Variants in TNFRSF21 observed in about 807,000 individuals in gnomAD.
The protein encoded by TNFRSF21 is tumor necrosis factor receptor superfamily member 21.
TNFRSF21 carries 19 observed loss-of-function variants against 45.6 expected under a neutral mutation model. The observed-to-expected ratio is 0.42, with a 90% confidence interval of 0.29 to 0.61. The LOEUF (loss-of-function observed/expected upper bound fraction) is 0.61, where lower values mean the gene tolerates loss of function less well. Ranked by LOEUF, TNFRSF21 falls within the 20% of genes least tolerant of loss-of-function variation. The probability of loss-of-function intolerance (pLI) is 0.23; values close to 1 mark genes in which losing one functional copy is unlikely to be tolerated. For missense variants in TNFRSF21, 737 were observed against 851.5 expected (o/e 0.87, Z 1.67); for synonymous variants, 314 against 335.5 (o/e 0.94, Z 0.70).
chr6:47,287,441 A>T (rs772468584), intron 1 of TNFRSF21, among the ~76,000 whole-genome samples: 1 of 145,970 alleles, frequency 6.9e-6, no homozygotes, highest in Non-Finnish European at 1.5e-5. Flanking sequence ...GGAGCTAATT[A>T]AAAAAAAAAC....
intron 1 of TNFRSF21, among the ~76,000 whole-genome samples, chr6:47,293,953 T>C (rs1299170661): frequency 2.0e-5 from 3 of 152,216 alleles, no homozygotes; most frequent in Non-Finnish European, 2.9e-5. Flanking sequence ...ACAAGCTCCA[T>C]GTGGACAAGG....
chr6:47,304,362 C>G (rs1762910282), intron 1 of TNFRSF21, among the ~76,000 whole-genome samples: 1 of 151,586 alleles, frequency 6.6e-6, no homozygotes, highest in African/African-American at 2.4e-5. Flanking sequence ...ACCAGCTGAA[C>G]ACAAAATTAA....
At chr6:47,261,871 C>A (rs549542945) in intron 3 of TNFRSF21, among the ~76,000 whole-genome samples, 1 of 152,190 alleles carries the variant, frequency 6.6e-6, no homozygotes, top group Non-Finnish European at 1.5e-5. Flanking sequence ...AACCAGTATA[C>A]GATAGCATGG....
intron 3 of TNFRSF21, among the ~76,000 whole-genome samples, chr6:47,278,729 A>G (rs1369728808): frequency 1.3e-5 from 2 of 152,214 alleles, no homozygotes; most frequent in Non-Finnish European, 2.9e-5. Context: ...TGCATCTTAG[A>G]ATCCAGTTCT....
intron 1 of TNFRSF21, among the ~76,000 whole-genome samples, chr6:47,290,348 G>A (rs1001125596): frequency 1.3e-5 from 2 of 152,184 alleles, no homozygotes; most frequent in Non-Finnish European, 2.9e-5. Context: ...ACACTCACAA[G>A]GGTGGCTCTG....
intron 1 of TNFRSF21, among the ~76,000 whole-genome samples, chr6:47,297,760 T>A (rs1042942029): frequency 6.6e-6 from 1 of 152,278 alleles, no homozygotes; most frequent in South Asian, 2.1e-4. Flanking sequence ...TGGCCTCAAG[T>A]GATCCGCCTG....
intron 2 of TNFRSF21, among the ~76,000 whole-genome samples, chr6:47,285,044 G>A (rs1762625604): frequency 6.6e-6 from 1 of 152,178 alleles, no homozygotes; most frequent in Non-Finnish European, 1.5e-5. Context: ...ATGAGAGATG[G>A]GAATTTTGAG....
At chr6:47,279,328 T>C (rs1193416289) in intron 3 of TNFRSF21, among the ~76,000 whole-genome samples, 2 of 152,246 alleles carry the variant, frequency 1.3e-5, no homozygotes, top group East Asian at 1.9e-4. Context: ...AATTAGAAAC[T>C]GCAATGAGCA....
Position 47,284,259 on chromosome 6 carries a change from G to T in TNFRSF21, c.922C>A (p.His308Asn), listed in dbSNP as rs1762615332. 6.2e-7 allele frequency: 1 copy of T among 1,613,378 alleles called. No homozygotes were observed. The highest frequency in any genetic ancestry group is 1.3e-5 in the African/African-American group (1 of 75,074). ...ATGGACGGCAGCAGCTTCAGGATGTGTCTGTGGTGGGGGCCTTGCTGGTGG... is the reference window on the plus strand; with the variant it reads ...ATGGACGGCAGCAGCTTCAGGATGTTTCTGTGGTGGGGGCCTTGCTGGTGG... ...VNHQQGPHHR[H>N]ILKLLPSMEA... The change falls in exon 3 of 6, where the codon CAC becomes AAC. Residue 308 changes from histidine to asparagine, a missense_variant. Physicochemically the swap from His to Asn is moderately conservative, Grantham distance 68 (BLOSUM62 1). Coordinates refer to ENST00000296861, the MANE Select transcript of TNFRSF21 (RefSeq NM_014452.5).
chr6:47,232,657 AC>A lies in TNFRSF21; in HGVS notation c.*107del, dbSNP rs1288001824. The A allele has an allele frequency of 1.6e-4, 141 of 876,756 alleles. 1 individual carries two copies. The highest frequency in any genetic ancestry group is 3.5e-4 in the Middle Eastern group (1 of 2,870). 54.3% of individuals were successfully genotyped at this position (876,756 alleles called of 1,614,324 possible). A position where few individuals can be genotyped will look rare whatever the true frequency, so the allele number is the denominator to read the frequency against. On this transcript the variant is annotated 3_prime_UTR_variant, in exon 6 of 6. Coordinates refer to ENST00000296861, the MANE Select transcript of TNFRSF21 (RefSeq NM_014452.5). Reference sequence around the variant, plus strand: ...CACACACACACACACACACACACACACAAACACACACACACACCCCAAACAA... The same window carrying A: ...CACACACACACACACACACACACACAAAACACACACACACACCCCAAACAA...
intron 3 of TNFRSF21, among the ~76,000 whole-genome samples, chr6:47,268,799 A>G (rs1450087871): frequency 6.6e-6 from 1 of 151,958 alleles, no homozygotes; most frequent in African/African-American, 2.4e-5. Flanking sequence ...TTCCATCCCC[A>G]CCTCATCTAC....
At chr6:47,251,492 T>A (rs1316146983) in intron 4 of TNFRSF21, among the ~76,000 whole-genome samples, 2 of 152,208 alleles carry the variant, frequency 1.3e-5, no homozygotes, top group Non-Finnish European at 2.9e-5. Context: ...GACCTAATGA[T>A]TTTATTATGA....
chr6:47,302,792 T>G (rs755619889), intron 1 of TNFRSF21, among the ~76,000 whole-genome samples: 14 of 152,138 alleles, frequency 9.2e-5, no homozygotes, highest in Admixed American at 2.0e-4. Context: ...ACCAACAACT[T>G]GCAGAAAAAG....
Position 47,284,369 on chromosome 6 carries a change from T to C in TNFRSF21, c.812A>G (p.Gln271Arg), listed in dbSNP as rs867385475. The C allele has an allele frequency of 1.9e-6, 3 of 1,558,316 alleles. No homozygotes were observed. The Middle Eastern group carries it at 5.2e-4, about 271-fold the overall frequency. ...TGTGTTGTCAGGGACTGTCCCTTCC[T>C]GGATGCTACTCAGTACCTTTGGTCT... Reference protein sequence around the residue: ...SVRPKVLSSIQEGTVPDNTSS... With the variant: ...SVRPKVLSSIREGTVPDNTSS... Residue 271 changes from glutamine (Q) to arginine (R), a missense_variant, in exon 3 of 6, where the codon CAG (glutamine) becomes CGG (arginine). Coordinates refer to ENST00000296861, the MANE Select transcript of TNFRSF21 (RefSeq NM_014452.5).
Position 47,284,320 on chromosome 6 carries a change from G to A in TNFRSF21, c.861C>T (p.Asp287=), listed in dbSNP as rs141277789. The A allele has an allele frequency of 6.3e-5, 101 of 1,601,304 alleles. No homozygotes were observed. The highest frequency in any genetic ancestry group is 2.3e-4 in the African/African-American group (17 of 74,872). Residue 287 remains aspartate (D), a synonymous_variant, in exon 3 of 6, where the codon GAC becomes GAT. Transcript: ENST00000296861. ...DNTSSARGKE[D]VNKTLPNLQV... is the part of the protein sequence containing the mutation. Reference sequence around the variant, plus strand: ...GAAGGTTTGGGAGGGTCTTGTTCACGTCTTCCTTCCCCCTTGCTGAGCTTG... The same window carrying A: ...GAAGGTTTGGGAGGGTCTTGTTCACATCTTCCTTCCCCCTTGCTGAGCTTG...
chr6:47,298,284 T>TAAAAAAAAAA (rs558717941), intron 1 of TNFRSF21, among the ~76,000 whole-genome samples: 1 of 74,400 alleles, frequency 1.3e-5, no homozygotes, highest in African/African-American at 4.8e-5. Flanking sequence ...TACAAAAAAT[T>TAAAAAAAAAA]AAAAAAAAAA....
chr6:47,237,964 C>T (rs906901178), intron 4 of TNFRSF21, among the ~76,000 whole-genome samples: 165 of 152,174 alleles, frequency 1.1e-3, no homozygotes, highest in African/African-American at 3.7e-3. Flanking sequence ...GCAGGAGAAT[C>T]GCTTGAACCA....
At chr6:47,258,650 G>C (rs1489299806) in intron 3 of TNFRSF21, among the ~76,000 whole-genome samples, 2 of 152,038 alleles carry the variant, frequency 1.3e-5, no homozygotes, top group African/African-American at 4.8e-5. Flanking sequence ...TGTTGGCCAG[G>C]CTGATCTCAA....
At chr6:47,243,365 CTG>C (rs549800281) in intron 4 of TNFRSF21, among the ~76,000 whole-genome samples, 3 of 151,676 alleles carry the variant, frequency 2.0e-5, no homozygotes, top group Non-Finnish European at 2.9e-5. Context: ...TATGTATATA[CTG>C]TGTGTGTGTG....
Sources: gnomAD v4.1 joint callset for allele counts (sites outside exome capture counted in the v4.1 genomes callset) on GRCh38, gnomAD v4.1.1 for gene constraint, MANE v1.5 for transcripts, NCBI Gene and HGNC (gene_info 2026-07-23, HGNC 2026-07-21) for gene names.